Variants in CNBD1 observed in about 807,000 individuals in gnomAD.
CNBD1 encodes the protein cyclic nucleotide-binding domain-containing protein 1.
In CNBD1, 71 loss-of-function variants were observed where a neutral mutation model predicts 54.4. The ratio of observed to expected loss-of-function variants is 1.30; its 90% confidence interval spans 1.08 to 1.59. The LOEUF (loss-of-function observed/expected upper bound fraction) is 1.59, where lower values mean the gene tolerates loss of function less well. Ranked by LOEUF, CNBD1 falls within the 40% of genes most tolerant of loss-of-function variation. CNBD1 has a pLI of 0.00. For missense variants in CNBD1, 659 were observed against 518.0 expected, an observed-to-expected ratio of 1.27 and a Z score of -2.64; for synonymous variants, 182 against 170.7, an observed-to-expected ratio of 1.07 and a Z score of -0.51.
intron 4 of CNBD1, among the ~76,000 whole-genome samples, chr8:87,136,294 C>T (rs898299768): frequency 2.0e-5 from 3 of 151,256 alleles, no homozygotes; most frequent in African/African-American, 4.9e-5. Context: ...TAGAAGTAAT[C>T]ATAATTTAAT....
At position 87,380,717 on chromosome 8, in the gene CNBD1, A is replaced by G. The variant is rs563247092; in HGVS notation, c.1304-1903A>G. On this transcript the variant is annotated intron_variant, in intron 10 of 10. Coordinates refer to ENST00000518476, the MANE Select transcript of CNBD1 (RefSeq NM_173538.3). ...ATTGGTGTTTTGTAGTTTTCAGTAAACAAGTCTTTTACCTCCTTAGCTAAG... is the reference window on the plus strand; with the variant it reads ...ATTGGTGTTTTGTAGTTTTCAGTAAGCAAGTCTTTTACCTCCTTAGCTAAG... 2.0e-5 allele frequency among the ~76,000 whole-genome samples: 3 copies of G among 152,070 alleles called. No individual in the cohort carries two copies. The East Asian group carries it at 5.8e-4, about 29-fold the overall frequency.
chr8:87,358,764 C>A (rs1232251071), intron 10 of CNBD1, among the ~76,000 whole-genome samples: 1 of 152,038 alleles, frequency 6.6e-6, no homozygotes, highest in Non-Finnish European at 1.5e-5. Flanking sequence ...CAGTGTGAGG[C>A]CAAAGCCTTG....
intron 5 of CNBD1, among the ~76,000 whole-genome samples, chr8:87,232,424 TG>T (rs1563517375): frequency 6.6e-6 from 1 of 152,204 alleles, no homozygotes; most frequent in African/African-American, 2.4e-5. Flanking sequence ...TTCACATCTA[TG>T]CCAATATTTG....
At chr8:86,993,761 A>G (rs904650206) in intron 4 of CNBD1, among the ~76,000 whole-genome samples, 1 of 152,232 alleles carries the variant, frequency 6.6e-6, no homozygotes, top group South Asian at 2.1e-4. Flanking sequence ...GTGATCCAGT[A>G]GATGCTGTTT....
intron 4 of CNBD1, among the ~76,000 whole-genome samples, chr8:87,040,112 T>C (rs1282079650): frequency 1.3e-5 from 2 of 152,242 alleles, no homozygotes; most frequent in Non-Finnish European, 2.9e-5. Flanking sequence ...GTATGACTCC[T>C]AAACCATAAT....
intron 3 of CNBD1, 42 bp from the exon 4 acceptor site, chr8:86,939,554 T>G: frequency 7.4e-7 from 1 of 1,345,216 alleles, no homozygotes; most frequent in Non-Finnish European, 1.0e-6. Context: ...ATAATTTTTA[T>G]GCAGTATACA....
chr8:87,330,093 C>A (rs1224871981), intron 8 of CNBD1, among the ~76,000 whole-genome samples: 1 of 151,642 alleles, frequency 6.6e-6, no homozygotes, highest in Non-Finnish European at 1.5e-5. Context: ...GGCTTTTAAT[C>A]TAGTTTTTAA....
rs1367990765 is a variant in CNBD1 at position 87,390,197 on chromosome 8, T to G, written c.213+36411T>G. On this transcript the variant is annotated intron_variant, in intron 2 of 7. Coordinates refer to the CNBD1 transcript ENST00000521593. ...CAGGACATAGGCATGGGCAAGGACT[T>G]CATGTCTAAAACACCAAAAGTAATG... 6.6e-5 allele frequency among the ~76,000 whole-genome samples: 10 copies of G among 152,214 alleles called. No homozygotes were observed. The South Asian group carries it at 2.1e-3, about 32-fold the overall frequency.
chr8:87,029,674 A>G (rs1809738078), intron 4 of CNBD1, among the ~76,000 whole-genome samples: 1 of 152,174 alleles, frequency 6.6e-6, no homozygotes, highest in South Asian at 2.1e-4. Context: ...GGAGTGAGAA[A>G]GGGCCTCACA....
chr8:86,926,807 A>C (rs1809368818), intron 3 of CNBD1, among the ~76,000 whole-genome samples: 1 of 152,192 alleles, frequency 6.6e-6, no homozygotes, highest in Admixed American at 6.5e-5. Context: ...ACTGTATGAG[A>C]AATCCTTTGA....
intron 4 of CNBD1, among the ~76,000 whole-genome samples, chr8:86,992,937 T>C (rs1808786463): frequency 6.6e-6 from 1 of 152,180 alleles, no homozygotes; most frequent in African/African-American, 2.4e-5. Context: ...GCCTTGGTGA[T>C]AGTCATCTTA....
Position 87,098,482 on chromosome 8 carries a change from TG to T in CNBD1, c.432-107507del, listed in dbSNP as rs1488632144. On this transcript the variant is annotated intron_variant, in intron 4 of 10. Coordinates refer to ENST00000518476, the MANE Select transcript of CNBD1 (RefSeq NM_173538.3). ...GGGAGCAAGTGAAATTAATCCCAGC[TG>T]GGGTTAAGACTTAAAACATGAGCAT... Among the ~76,000 whole-genome samples, 5 of 152,248 alleles carry T rather than the reference TG, an allele frequency of 3.3e-5. No individual in the cohort carries two copies. In the South Asian group the frequency reaches 1.0e-3, roughly 32 times the overall value.
chr8:87,076,176 G>C (rs773186421), intron 4 of CNBD1, among the ~76,000 whole-genome samples: 8 of 152,180 alleles, frequency 5.3e-5, no homozygotes, highest in Non-Finnish European at 1.2e-4. Flanking sequence ...GAGAACTACA[G>C]AGGAGGTTGA....
intron 1 of CNBD1, 140 bp from the exon 2 acceptor site, chr8:86,887,401 TA>T: frequency 3.5e-6 from 2 of 570,642 alleles, no homozygotes; most frequent in Non-Finnish European, 6.3e-6. Flanking sequence ...ACTTGTGTAT[TA>T]AACAAAGACT....
downstream of CNBD1, chr8:87,382,900 T>A: frequency 3.1e-6 from 1 of 326,776 alleles, no homozygotes; most frequent in Non-Finnish European, 5.5e-6. Flanking sequence ...TGTTTCGGTA[T>A]ACATGTAAAG....
chr8:87,017,990 TCCC>T (rs1316448429), intron 4 of CNBD1, among the ~76,000 whole-genome samples: 3 of 152,194 alleles, frequency 2.0e-5, no homozygotes, highest in Admixed American at 6.5e-5. Flanking sequence ...ACGCCTATAA[TCCC>T]AGCACTTTGG....
rs1809561505 is a variant in CNBD1 at position 86,937,012 on chromosome 8, TATTC to T, written c.273-2581_273-2578del. ...TTGCCTACTCACATGGTGTATTGTG[TATTC>T]ATCTGTTCTCACACTGCTAATAAAG... On this transcript the variant is annotated intron_variant, in intron 3 of 10. Coordinates refer to ENST00000518476, the MANE Select transcript of CNBD1 (RefSeq NM_173538.3). Among the ~76,000 whole-genome samples, 4 of 152,304 alleles carry T rather than the reference TATTC, an allele frequency of 2.6e-5. No individual in the cohort carries two copies. The South Asian group carries it at 8.3e-4, about 32-fold the overall frequency.
At chr8:87,419,040 T>C (rs1051865070) in intron 2 of CNBD1, among the ~76,000 whole-genome samples, 3 of 151,924 alleles carry the variant, frequency 2.0e-5, no homozygotes, top group Non-Finnish European at 2.9e-5. Context: ...AGTGCCAAAG[T>C]GTAAACAACC....
intron 4 of CNBD1, among the ~76,000 whole-genome samples, chr8:87,144,809 A>G (rs563516773): frequency 1.2e-3 from 173 of 141,468 alleles, no homozygotes; most frequent in African/African-American, 4.6e-3. Flanking sequence ...AAGGAGAGCG[A>G]AACTATGCCT....
Sources: allele counts gnomAD v4.1 joint callset (sites outside exome capture counted in the v4.1 genomes callset), GRCh38; gene constraint gnomAD v4.1.1; transcripts MANE v1.5; gene names NCBI Gene and HGNC (gene_info 2026-07-23, HGNC 2026-07-21).